Variants in GABBR2 observed in about 807,000 individuals in gnomAD.
GABBR2 encodes the protein gamma-aminobutyric acid type B receptor subunit 2.
A neutral mutation model predicts 105.6 loss-of-function variants in GABBR2; 23 were observed. The observed-to-expected ratio is 0.22, with a 90% CI of 0.16 to 0.31. The LOEUF is 0.31. Ranked by LOEUF, GABBR2 falls within the 10% of genes least tolerant of loss-of-function variation. GABBR2 has a pLI of 1.00. For synonymous variants in GABBR2, 478 were observed against 499.7 expected, an observed-to-expected ratio of 0.96 and a Z score of 0.58; for missense variants, 734 against 1,245.5, an observed-to-expected ratio of 0.59 and a Z score of 6.18.
chr9:98,475,425 C>T (rs2131634239), intron 5 of GABBR2, among the ~76,000 whole-genome samples: 1 of 152,038 alleles, frequency 6.6e-6, no homozygotes. Flanking sequence ...ATAAAAGGGT[C>T]ACCCTAGTAA....
intron 6 of GABBR2, among the ~76,000 whole-genome samples, chr9:98,471,380 C>A (rs1459659770): frequency 6.6e-6 from 1 of 152,226 alleles, no homozygotes; most frequent in African/African-American, 2.4e-5. Context: ...GGCAAGAGGT[C>A]AGCCTCTTCA....
chr9:98,496,121 T>C (rs1827274372), intron 4 of GABBR2: 3 of 405,374 alleles, frequency 7.4e-6, no homozygotes, highest in Non-Finnish European at 1.4e-5. Context: ...AAAACAGACA[T>C]GACAATCATG....
At chr9:98,488,059 A>C (rs1467952358) in intron 4 of GABBR2, among the ~76,000 whole-genome samples, 1 of 152,108 alleles carries the variant, frequency 6.6e-6, no homozygotes, top group East Asian at 1.9e-4. Context: ...TTGAAGATAG[A>C]GGAAGGGGAT....
chr9:98,512,810 C>G (rs1011894879), intron 3 of GABBR2, among the ~76,000 whole-genome samples: 1 of 152,140 alleles, frequency 6.6e-6, no homozygotes, highest in Non-Finnish European at 1.5e-5. Flanking sequence ...GAATCAATAT[C>G]GTGCAAATGG....
intron 6 of GABBR2, among the ~76,000 whole-genome samples, chr9:98,464,183 AT>A (rs1826490853): frequency 6.9e-6 from 1 of 145,852 alleles, no homozygotes; most frequent in Admixed American, 6.8e-5. Context: ...CCGTCTAGGA[AT>A]TGAGGAGCAT....
chr9:98,347,379 T>C (rs970440146), intron 13 of GABBR2, among the ~76,000 whole-genome samples: 1 of 152,232 alleles, frequency 6.6e-6, no homozygotes, highest in African/African-American at 2.4e-5. Context: ...GTATGTCTTC[T>C]TTTGAGAAAT....
chr9:98,608,067 C>T (rs12377101), intron 1 of GABBR2: 78,381 of 1,294,600 alleles, frequency 0.061, 2,673 homozygotes, highest in Non-Finnish European at 0.064. Context: ...AGCTCAACAA[C>T]GTATTTTAGA....
rs146760499 is a variant in GABBR2 at position 98,496,986 on chromosome 9, C to T, written c.631-472G>A. ...TATGGAACCTGCCTATGATGTTACA[C>T]GTAACTATGTGTCTACTGACACTCA... On this transcript the variant is annotated intron_variant, in intron 3 of 18. Transcript: ENST00000259455. 4.2e-3 allele frequency among the ~76,000 whole-genome samples: 641 copies of T among 152,312 alleles called. 6 individuals are homozygous for T. Among genetic ancestry groups the T allele is most frequent in the South Asian group, 0.012 (58 of 4,830 alleles).
chr9:98,557,191 C>T (rs796066324), intron 2 of GABBR2, among the ~76,000 whole-genome samples: 12 of 152,224 alleles, frequency 7.9e-5, no homozygotes, highest in Admixed American at 2.6e-4. Flanking sequence ...CTCCAGCGTC[C>T]TCTCTCACCC....
chr9:98,615,208 C>G (rs911818456), intron 1 of GABBR2, among the ~76,000 whole-genome samples: 1 of 152,184 alleles, frequency 6.6e-6, no homozygotes, highest in African/African-American at 2.4e-5. Context: ...GCGAGACACA[C>G]TAGAGCACAC....
chr9:98,531,106 G>A (rs1828059480), intron 3 of GABBR2, among the ~76,000 whole-genome samples: 1 of 152,162 alleles, frequency 6.6e-6, no homozygotes, highest in African/African-American at 2.4e-5. Flanking sequence ...TCAACGCTAT[G>A]TTCCAGGATC....
intron 1 of GABBR2, among the ~76,000 whole-genome samples, chr9:98,666,335 G>A (rs1020168684): frequency 6.6e-6 from 1 of 152,272 alleles, no homozygotes; most frequent in African/African-American, 2.4e-5. Context: ...GCTAGAGGTC[G>A]GAATGGCTCC....
At chr9:98,406,734 C>T (rs978949683) in intron 7 of GABBR2, among the ~76,000 whole-genome samples, 2 of 152,218 alleles carry the variant, frequency 1.3e-5, no homozygotes, top group Non-Finnish European at 2.9e-5. Context: ...TGACTAGTGT[C>T]ACAGGCAGCT....
intron 1 of GABBR2, among the ~76,000 whole-genome samples, chr9:98,584,171 G>C (rs1829039066): frequency 6.6e-6 from 1 of 150,966 alleles, no homozygotes; most frequent in South Asian, 2.1e-4. Flanking sequence ...CTCACTTCTA[G>C]AGGATATTCT....
At chr9:98,543,338 T>A (rs1287878765) in intron 2 of GABBR2, among the ~76,000 whole-genome samples, 1 of 151,174 alleles carries the variant, frequency 6.6e-6, no homozygotes, top group Non-Finnish European at 1.5e-5. Flanking sequence ...AATATTTCTA[T>A]TTTGTTATAT....
At chr9:98,472,328 C>T (rs1158934566) in intron 6 of GABBR2, among the ~76,000 whole-genome samples, 2 of 152,160 alleles carry the variant, frequency 1.3e-5, no homozygotes, top group Non-Finnish European at 2.9e-5. Context: ...TTTTACATGT[C>T]CTATATTACT....
chr9:98,477,393 C>T (rs1454185601), intron 5 of GABBR2, among the ~76,000 whole-genome samples: 1 of 152,160 alleles, frequency 6.6e-6, no homozygotes, highest in African/African-American at 2.4e-5. Flanking sequence ...GCAGATGATA[C>T]CACGCCCAGC....
intron 3 of GABBR2, among the ~76,000 whole-genome samples, chr9:98,525,580 A>G (rs1445552767): frequency 6.6e-6 from 1 of 152,244 alleles, no homozygotes; most frequent in Non-Finnish European, 1.5e-5. Flanking sequence ...TGGTATATCC[A>G]TTGATGCAAA....
At chr9:98,442,666 C>A (rs757756826) in intron 7 of GABBR2, among the ~76,000 whole-genome samples, 21 of 152,306 alleles carry the variant, frequency 1.4e-4, no homozygotes, top group Non-Finnish European at 2.8e-4. Flanking sequence ...CACTGGGTGG[C>A]TTAAACAATG....
Sources: allele counts gnomAD v4.1 joint callset (sites outside exome capture counted in the v4.1 genomes callset), GRCh38; gene constraint gnomAD v4.1.1; transcripts MANE v1.5; gene names NCBI Gene and HGNC (gene_info 2026-07-23, HGNC 2026-07-21).